The following LYPD6B variants were observed in gnomAD, a reference collection of about 807,000 sequenced individuals.
The protein encoded by LYPD6B is LY6/PLAUR domain containing 6B, also known as ly6/PLAUR domain-containing protein 6B.
A neutral mutation model predicts 22.8 loss-of-function variants in LYPD6B; 17 were observed. That is an observed-to-expected ratio of 0.75 (90% CI 0.51 to 1.12). The LOEUF (loss-of-function observed/expected upper bound fraction) is 1.12. LYPD6B is among the 50% of genes most tolerant of loss of function. The pLI, the probability that LYPD6B is intolerant of heterozygous loss-of-function variation, is 0.00. For synonymous variants in LYPD6B, 106 were observed against 91.6 expected, an observed-to-expected ratio of 1.16 and a Z score of -0.90; for missense variants, 221 against 258.3, an observed-to-expected ratio of 0.86 and a Z score of 0.99.
At chr2:149,111,350 G>C (rs1301334827) in intron 1 of LYPD6B, among the ~76,000 whole-genome samples, 1 of 152,180 alleles carries the variant, frequency 6.6e-6, no homozygotes, top group Non-Finnish European at 1.5e-5. Flanking sequence ...GACCAAGTTG[G>C]AAGTTACTAT....
chr2:149,206,527 T>C (rs777687412), intron 4 of LYPD6B, among the ~76,000 whole-genome samples: 2 of 152,174 alleles, frequency 1.3e-5, no homozygotes, highest in Non-Finnish European at 2.9e-5. Flanking sequence ...ATCATTTTCA[T>C]AGACCCTAAC....
intron 1 of LYPD6B, among the ~76,000 whole-genome samples, chr2:149,042,917 T>G (rs1683150983): frequency 6.6e-6 from 1 of 152,212 alleles, no homozygotes; most frequent in Non-Finnish European, 1.5e-5. Context: ...TTATAGGATT[T>G]CTTTCATGCA....
intron 2 of LYPD6B, among the ~76,000 whole-genome samples, chr2:149,159,241 G>A (rs779414870): frequency 6.6e-6 from 1 of 152,014 alleles, no homozygotes; most frequent in South Asian, 2.1e-4. Flanking sequence ...GGTAGGGAAG[G>A]TTAACACCTT....
chr2:149,046,837 A>G (rs1683329423), intron 1 of LYPD6B, among the ~76,000 whole-genome samples: 1 of 152,206 alleles, frequency 6.6e-6, no homozygotes. Flanking sequence ...AATATCAGCT[A>G]TAAATAAAAG....
intron 1 of LYPD6B, among the ~76,000 whole-genome samples, chr2:149,095,185 A>G (rs2105458233): frequency 6.6e-6 from 1 of 152,234 alleles, no homozygotes; most frequent in African/African-American, 2.4e-5. Flanking sequence ...AATCTCAGCT[A>G]CTCAGGAGGC....
intron 3 of LYPD6B, chr2:149,187,358 C>A: frequency 7.2e-7 from 1 of 1,395,724 alleles, no homozygotes; most frequent in Non-Finnish European, 9.3e-7. Context: ...AAATGGCTAT[C>A]ATTTCTGAGC....
In LYPD6B at chr2:149,057,794, T is replaced by A. The variant is rs184362186; in HGVS notation, c.-67+18993T>A. On this transcript the variant is annotated intron_variant, in intron 1 of 6. Coordinates refer to ENST00000409642, the MANE Select transcript of LYPD6B (RefSeq NM_177964.5). Reference sequence around the variant, plus strand: ...AAGGGGATCCTGAGAAAGTTGCAGGTCATCGCAAGCCTCTGATTATTTGAC... The same window carrying A: ...AAGGGGATCCTGAGAAAGTTGCAGGACATCGCAAGCCTCTGATTATTTGAC... 2.7e-4 allele frequency among the ~76,000 whole-genome samples: 41 copies of A among 152,258 alleles called. 1 individual carries two copies. Among genetic ancestry groups the A allele is most frequent in the Admixed American group, 2.3e-3 (35 of 15,292 alleles).
At chr2:149,039,469 C>T (rs1369027055) in intron 1 of LYPD6B, among the ~76,000 whole-genome samples, 1 of 152,138 alleles carries the variant, frequency 6.6e-6, no homozygotes, top group Non-Finnish European at 1.5e-5. Context: ...GTGCTGTCCA[C>T]CTCCCAAGGC....
In LYPD6B at chr2:149,132,444, G is replaced by C. The variant is rs543982900; in HGVS notation, c.5+1491G>C. Among the ~76,000 whole-genome samples, 3 of 152,096 alleles carry C rather than the reference G, an allele frequency of 2.0e-5. No individual in the cohort carries two copies. In the East Asian group the frequency reaches 5.8e-4, roughly 29 times the overall value. ...TTGCTTAGGCCCTTTCTCTAGGAAA[G>C]GGGTTAGATGCAGCTCGATTTCTCA... On this transcript the variant is annotated intron_variant, in intron 2 of 6. Transcript: ENST00000409642.
At chr2:149,195,102 CA>C (rs1692723226) in intron 3 of LYPD6B, among the ~76,000 whole-genome samples, 1 of 152,044 alleles carries the variant, frequency 6.6e-6, no homozygotes, top group Admixed American at 6.5e-5. Flanking sequence ...ATTCTGTTGG[CA>C]AAAAAGGTGA....
intron 1 of LYPD6B, among the ~76,000 whole-genome samples, chr2:149,112,666 G>A (rs1237622990): frequency 3.9e-5 from 6 of 152,076 alleles, no homozygotes; most frequent in Non-Finnish European, 8.8e-5. Flanking sequence ...TAAGTGGAAT[G>A]ACTTAAATGT....
At chr2:149,213,195 C>G (rs1269895432) in intron 6 of LYPD6B, 73 bp downstream of exon 6, 43 of 1,565,588 alleles carry the variant, frequency 2.7e-5, no homozygotes, top group Non-Finnish European at 3.7e-5. Flanking sequence ...AAAGGAGAGG[C>G]AGGAAGGATA....
At chr2:149,131,786 T>A (rs972772377) in intron 2 of LYPD6B, among the ~76,000 whole-genome samples, 1 of 152,264 alleles carries the variant, frequency 6.6e-6, no homozygotes, top group Non-Finnish European at 1.5e-5. Context: ...CAATGAAAAT[T>A]TCCAAACATA....
chr2:149,133,312 G>A (rs1054396873), intron 2 of LYPD6B, among the ~76,000 whole-genome samples: 1 of 152,152 alleles, frequency 6.6e-6, no homozygotes, highest in Non-Finnish European at 1.5e-5. Context: ...TAAGACCCAG[G>A]AAAGTTACTA....
At chr2:149,049,709 G>T (rs1028244038) in intron 1 of LYPD6B, among the ~76,000 whole-genome samples, 1 of 152,192 alleles carries the variant, frequency 6.6e-6, no homozygotes, top group Non-Finnish European at 1.5e-5. Context: ...CACATGACAT[G>T]CAAGGTGAGT....
In LYPD6B at chr2:149,198,033, C is replaced by CT. The variant is rs11360700; in HGVS notation, c.78-7207dup. Reference sequence around the variant, plus strand: ...CTAATTCCTAAACATCTAAGCTTTTCTTTTTTTTTTTTTCTTTTCTTTTTT... The same window carrying CT: ...CTAATTCCTAAACATCTAAGCTTTTCTTTTTTTTTTTTTTCTTTTCTTTTTT... On this transcript the variant is annotated intron_variant, in intron 3 of 6. Coordinates refer to ENST00000409642, the MANE Select transcript of LYPD6B (RefSeq NM_177964.5). 5.0e-3 allele frequency among the ~76,000 whole-genome samples: 730 copies of CT among 144,798 alleles called. 6 individuals are homozygous for CT. Among genetic ancestry groups the CT allele is most frequent in the African/African-American group, 0.013 (511 of 39,550 alleles). 95.0% of individuals were successfully genotyped at this position (144,798 alleles called of 152,430 possible).
chr2:149,155,862 C>T (rs1388641329), intron 2 of LYPD6B, among the ~76,000 whole-genome samples: 1 of 152,212 alleles, frequency 6.6e-6, no homozygotes, highest in East Asian at 1.9e-4. Flanking sequence ...GGACATCAAT[C>T]ACTTCTCCTG....
chr2:149,188,133 C>CCTGTATGGA (rs1265163626), intron 3 of LYPD6B, among the ~76,000 whole-genome samples: 4 of 152,118 alleles, frequency 2.6e-5, no homozygotes, highest in African/African-American at 7.2e-5. Flanking sequence ...CTTTTGCTCA[C>CCTGTATGGA]CTGTATGGAT....
At chr2:149,075,377 G>A (rs1175566922) in intron 1 of LYPD6B, among the ~76,000 whole-genome samples, 1 of 152,120 alleles carries the variant, frequency 6.6e-6, no homozygotes, top group African/African-American at 2.4e-5. Flanking sequence ...ATATGTTTAT[G>A]GCTGTGGTTT....
Sources: gnomAD v4.1 joint callset for allele counts (sites outside exome capture counted in the v4.1 genomes callset) on GRCh38, gnomAD v4.1.1 for gene constraint, MANE v1.5 for transcripts, NCBI Gene and HGNC (gene_info 2026-07-23, HGNC 2026-07-21) for gene names.